Variants in OPA1 observed in about 807,000 individuals in gnomAD.
OPA1 encodes the protein dynamin-like GTPase OPA1, mitochondrial.
Under a neutral mutation model 152.9 loss-of-function variants are expected in OPA1, and 59 were observed. The ratio of observed to expected loss-of-function variants is 0.39; its 90% confidence interval spans 0.31 to 0.48. The LOEUF (loss-of-function observed/expected upper bound fraction) is 0.48, where lower values mean the gene tolerates loss of function less well. OPA1 is among the 20% of genes least tolerant of loss of function. The pLI is 0.96. For synonymous variants in OPA1, 400 were observed against 389.9 expected (o/e 1.03, Z -0.31); for missense variants, 1,008 against 1,216.8 (o/e 0.83, Z 2.55).
chr3:193,650,358 T>G (rs1340058530), intron 21 of OPA1, among the ~76,000 whole-genome samples: 1 of 152,180 alleles, frequency 6.6e-6, no homozygotes, highest in African/African-American at 2.4e-5. Flanking sequence ...AAAAATGTTA[T>G]GTTAACGCAA....
chr3:193,596,389 TCTG>T (rs1725574634), intron 1 of OPA1, among the ~76,000 whole-genome samples: 4 of 76,112 alleles, frequency 5.3e-5, no homozygotes, highest in African/African-American at 2.2e-4. Flanking sequence ...TCTTTTCTTT[TCTG>T]TTCTTTTCTT....
At chr3:193,595,432 C>A (rs1267231436) in intron 1 of OPA1, among the ~76,000 whole-genome samples, 1 of 152,154 alleles carries the variant, frequency 6.6e-6, no homozygotes, top group African/African-American at 2.4e-5. Context: ...CTGGGGGAAA[C>A]CTATTTTGCA....
chr3:193,622,226 C>CTTTTTTTTTTTTTTTTT (rs758993120), intron 6 of OPA1, among the ~76,000 whole-genome samples: 1 of 107,916 alleles, frequency 9.3e-6, no homozygotes, highest in Non-Finnish European at 1.7e-5. Flanking sequence ...TACTCTCATT[C>CTTTTTTTTTTTTTTTTT]TTTTTTTTTT....
chr3:193,659,773 C>A (rs1560037136), intron 25 of OPA1, among the ~76,000 whole-genome samples: 1 of 152,012 alleles, frequency 6.6e-6, no homozygotes, highest in Non-Finnish European at 1.5e-5. Context: ...TGTTAAAAGA[C>A]AAGAGATGAA....
chr3:193,606,434 A>C (rs1362600414), intron 1 of OPA1, among the ~76,000 whole-genome samples: 24 of 106,342 alleles, frequency 2.3e-4, no homozygotes, highest in Non-Finnish European at 3.5e-4. Context: ...ACCCCACAAC[A>C]GGCCCCAGTG....
At chr3:193,632,925 A>T (rs79658902) in intron 8 of OPA1, among the ~76,000 whole-genome samples, 559 of 152,344 alleles carry the variant, frequency 3.7e-3, no homozygotes, top group African/African-American at 0.013. Flanking sequence ...AAGTGAAACG[A>T]CTACAAGTTG....
At chr3:193,665,793 T>A (rs1716389791) in intron 27 of OPA1, among the ~76,000 whole-genome samples, 2 of 152,170 alleles carry the variant, frequency 1.3e-5, no homozygotes, top group African/African-American at 4.8e-5. Flanking sequence ...CTTCTTTCTA[T>A]AGAAACTTCT....
At chr3:193,655,632 T>A (rs560890962) in intron 22 of OPA1, among the ~76,000 whole-genome samples, 5 of 152,334 alleles carry the variant, frequency 3.3e-5, no homozygotes, top group African/African-American at 1.2e-4. Flanking sequence ...ATGGTGACAA[T>A]AATGTTGCCT....
At chr3:193,634,583 A>G (rs141414491) in intron 8 of OPA1, among the ~76,000 whole-genome samples, 3 of 152,004 alleles carry the variant, frequency 2.0e-5, no homozygotes, top group South Asian at 4.2e-4. Context: ...ACGCCTGGCT[A>G]ATTTTTAGTA....
chr3:193,604,599 G>A lies in OPA1; in HGVS notation c.33-10124G>A, dbSNP rs551303386. On this transcript the variant is annotated intron_variant, in intron 1 of 30. Coordinates refer to ENST00000361510, the MANE Select transcript of OPA1 (RefSeq NM_130837.3). ...GTTTTGGCCAGGCATGGTGGCTAAC[G>A]CCTGTAATCCCAGCACTTTGGGAGG... 1.2e-4 allele frequency among the ~76,000 whole-genome samples: 19 copies of A among 152,220 alleles called. No individual in the cohort carries two copies. The East Asian group carries it at 2.9e-3, about 23-fold the overall frequency.
intron 1 of OPA1, among the ~76,000 whole-genome samples, chr3:193,611,743 A>C (rs1728280358): frequency 6.6e-6 from 1 of 152,080 alleles, no homozygotes; most frequent in South Asian, 2.1e-4. Flanking sequence ...ATGCTGTTTC[A>C]GCCCCTGCAG....
At chr3:193,641,313 AC>A (rs1313974945) in intron 11 of OPA1, among the ~76,000 whole-genome samples, 1 of 152,112 alleles carries the variant, frequency 6.6e-6, no homozygotes, top group Admixed American at 6.5e-5. Flanking sequence ...TCCTTGACCA[AC>A]CCTGAATTCC....
rs1560079327 is a variant in OPA1 at position 193,688,444 on chromosome 3, C to CTTTTTTTTTTTTTTT, written c.2984-3615_2984-3614insTTTTTTTTTTTTTTT. On this transcript the variant is annotated intron_variant, in intron 29 of 30. Coordinates refer to ENST00000361510, the MANE Select transcript of OPA1 (RefSeq NM_130837.3). ...TTCCCTGATTTTTACTGAAATGGGT[C>CTTTTTTTTTTTTTTT]TTTTCTTTTTTTTTTTTTTTTTTTT... is the stretch of plus-strand genomic sequence containing the variant. Among the ~76,000 whole-genome samples, 6 of 38,546 alleles carry CTTTTTTTTTTTTTTT rather than the reference C, an allele frequency of 1.6e-4. 2 individuals are homozygous for CTTTTTTTTTTTTTTT. The highest frequency in any genetic ancestry group is 1.2e-3 in the South Asian group (1 of 828). 25.3% of individuals were successfully genotyped at this position (38,546 alleles called of 152,430 possible). A position where few individuals can be genotyped will look rare whatever the true frequency, so the allele number is the denominator to read the frequency against.
intron 6 of OPA1, among the ~76,000 whole-genome samples, chr3:193,624,463 G>A (rs1344882733): frequency 6.6e-6 from 1 of 152,066 alleles, no homozygotes; most frequent in Non-Finnish European, 1.5e-5. Context: ...TTTGAATAAA[G>A]GATTGTGATA....
At chr3:193,642,871 T>C (rs1733991645) in intron 12 of OPA1, 26 bp downstream of exon 12, 1 of 1,571,980 alleles carries the variant, frequency 6.4e-7, no homozygotes, top group African/African-American at 1.3e-5. Context: ...CTAAGGTTGA[T>C]ATGTGTAATT....
At chr3:193,648,546 G>T (rs2109081794) in intron 20 of OPA1, 1 of 444,258 alleles carries the variant, frequency 2.3e-6, no homozygotes, top group African/African-American at 2.0e-5. Context: ...TTCACATAAC[G>T]TGAACAAGTG....
At chr3:193,666,792 TA>T (rs1054828078) in intron 28 of OPA1, among the ~76,000 whole-genome samples, 14 of 148,300 alleles carry the variant, frequency 9.4e-5, no homozygotes, top group African/African-American at 1.7e-4. Flanking sequence ...CTTGTCTCTT[TA>T]AAAAAAAAAG....
At chr3:193,609,733 GTTTCTTTTTATTCT>G (rs1351394771) in intron 1 of OPA1, among the ~76,000 whole-genome samples, 1 of 152,056 alleles carries the variant, frequency 6.6e-6, no homozygotes, top group Non-Finnish European at 1.5e-5. Flanking sequence ...GGCTTTGTTC[GTTTCTTTTTATTCT>G]TTTTTCTCTA....
chr3:193,653,992 T>G (rs1490071139), intron 21 of OPA1, among the ~76,000 whole-genome samples: 1 of 152,096 alleles, frequency 6.6e-6, no homozygotes, highest in Non-Finnish European at 1.5e-5. Context: ...AAAAAAAAAT[T>G]AAACATGTAA....
Sources: gnomAD v4.1 joint callset for allele counts (sites outside exome capture counted in the v4.1 genomes callset) on GRCh38, gnomAD v4.1.1 for gene constraint, MANE v1.5 for transcripts, NCBI Gene and HGNC (gene_info 2026-07-23, HGNC 2026-07-21) for gene names.